Variants in SLC41A3 observed in about 807,000 individuals in gnomAD.
The protein encoded by SLC41A3 is solute carrier family 41 member 3, also known as SLC41A1-like 2.
Under a neutral mutation model 45.4 loss-of-function variants are expected in SLC41A3, and 44 were observed. The ratio of observed to expected loss-of-function variants is 0.97; its 90% CI spans 0.76 to 1.25. The LOEUF is 1.25. Among genes scored for constraint, SLC41A3 ranks in the 50% most tolerant of loss-of-function variants. The pLI is 0.00. For synonymous variants in SLC41A3, 256 were observed against 252.4 expected (o/e 1.01, Z -0.13); for missense variants, 550 against 600.6 (o/e 0.92, Z 0.88).
At chr3:126,067,698 A>G in intron 2 of SLC41A3, 2 of 556,364 alleles carry the variant, frequency 3.6e-6, no homozygotes, top group Non-Finnish European at 3.2e-6. Flanking sequence ...CAGAAGGGAA[A>G]TGATTAAGTA....
chr3:126,016,865 A>G lies in SLC41A3; in HGVS notation c.756T>C (p.Tyr252=), dbSNP rs957177850. ...AGCTGAGGCAGACCAGCGGCGTCAG[A>G]TACCGACTATCTGAAAGGAGAACAG... ...SFFYRHKDSR[Y]LTPLVCLSFA... The change falls in exon 7 of 11, where the codon TAT becomes TAC. Residue 252 remains tyrosine (Y), a synonymous_variant. Coordinates refer to ENST00000360370, the MANE Select transcript of SLC41A3 (RefSeq NM_017836.4). The G allele has an allele frequency of 2.1e-5, 34 of 1,612,448 alleles. No homozygotes were observed. The highest frequency in any genetic ancestry group is 2.9e-5 in the Non-Finnish European group (34 of 1,179,880).
rs965336026 is a variant in SLC41A3, at chr3:126,006,948, A to G, written c.*68T>C. ...CATCCCAAGGACCTGGCAAGGGAGAAACTGAATTCTGTATCCCACTGATGT... is the reference window on the plus strand; with the variant it reads ...CATCCCAAGGACCTGGCAAGGGAGAGACTGAATTCTGTATCCCACTGATGT... On this transcript the variant is annotated 3_prime_UTR_variant, in exon 11 of 11. Coordinates refer to ENST00000360370, the MANE Select transcript of SLC41A3 (RefSeq NM_017836.4). 1 of 1,602,130 alleles carries G rather than the reference A, an allele frequency of 6.2e-7. No individual in the cohort carries two copies. Among genetic ancestry groups the G allele is most frequent in the Non-Finnish European group, 8.5e-7 (1 of 1,172,924 alleles).
Position 126,068,023 on chromosome 3 carries a change from C to T in SLC41A3, c.197G>A (p.Gly66Asp). 1 of 1,613,938 alleles carries T rather than the reference C, an allele frequency of 6.2e-7. No homozygotes were observed. Among genetic ancestry groups the T allele is most frequent in the Non-Finnish European group, 8.5e-7 (1 of 1,179,994 alleles). Reference protein sequence around the residue: ...EPSRETTWSIGLQVTVPFMFA... With the variant: ...EPSRETTWSIDLQVTVPFMFA... ...CATGAAGGGCACGGTCACCTGAAGG[C>T]CTATGGACCAGGTGGTCTCCCTGCT... The change falls in exon 2 of 11, where the codon GGC becomes GAC. Residue 66 changes from glycine (G) to aspartate (D), a missense_variant. Gly to Asp is a moderately conservative substitution (Grantham distance 94). Transcript: ENST00000360370.
rs1398064521 is a variant in SLC41A3 at position 126,032,195 on chromosome 3, A to G, written c.453+1412T>C. On this transcript the variant is annotated intron_variant, in intron 4 of 10. Transcript: ENST00000360370. ...GCGCGGCCAGGCCCACAGTTGGACG[A>G]GAGGAGCCAGTGAAGGAGAGGAGGC... Among the ~76,000 whole-genome samples, 4 of 152,298 alleles carry G rather than the reference A, an allele frequency of 2.6e-5. No homozygotes were observed. The East Asian group carries it at 5.8e-4, about 22-fold the overall frequency.
At chr3:126,097,810 C>A (rs1159525928) in intron 1 of SLC41A3, among the ~76,000 whole-genome samples, 1 of 152,190 alleles carries the variant, frequency 6.6e-6, no homozygotes, top group Non-Finnish European at 1.5e-5. Context: ...AGGAGGCAAC[C>A]AAGCATTGCA....
intron 2 of SLC41A3, among the ~76,000 whole-genome samples, chr3:126,058,388 G>A (rs1376711972): frequency 6.6e-6 from 1 of 152,178 alleles, no homozygotes; most frequent in Non-Finnish European, 1.5e-5. Context: ...CCAGGCTCTG[G>A]TAGGGATGAG....
At chr3:126,047,258 G>C (rs1943026424) in intron 3 of SLC41A3, among the ~76,000 whole-genome samples, 1 of 152,080 alleles carries the variant, frequency 6.6e-6, no homozygotes, top group Admixed American at 6.6e-5. Context: ...AGCTACTCAG[G>C]AGGCTGAGGT....
chr3:126,056,778 T>A (rs1187448962), intron 2 of SLC41A3: 2 of 1,365,408 alleles, frequency 1.5e-6, no homozygotes, highest in Non-Finnish European at 1.9e-6. Context: ...CACGGCCTCA[T>A]TACAGAGACT....
intron 2 of SLC41A3, chr3:126,056,329 C>A (rs763998650): frequency 6.2e-7 from 1 of 1,607,032 alleles, no homozygotes; most frequent in South Asian, 1.1e-5. Context: ...TGTCTCCCAC[C>A]CCTGATCCCC....
intron 8 of SLC41A3, among the ~76,000 whole-genome samples, chr3:126,013,960 CG>C (rs748928859): frequency 2.6e-5 from 4 of 152,154 alleles, no homozygotes; most frequent in Non-Finnish European, 4.4e-5. Flanking sequence ...GCTGAGACTC[CG>C]GGATCCCACA....
intron 2 of SLC41A3, among the ~76,000 whole-genome samples, chr3:126,065,349 T>G (rs1231189319): frequency 6.6e-6 from 1 of 152,230 alleles, no homozygotes; most frequent in Non-Finnish European, 1.5e-5. Flanking sequence ...ATAAAACTGA[T>G]ACAAAAACCA....
chr3:126,056,080 G>A (rs1351406356), intron 2 of SLC41A3, among the ~76,000 whole-genome samples: 1 of 152,220 alleles, frequency 6.6e-6, no homozygotes, highest in African/African-American at 2.4e-5. Context: ...TACACTGGGA[G>A]GAAGGCGGTT....
Position 126,026,569 on chromosome 3 carries a change from G to C in SLC41A3, c.454-90C>G, listed in dbSNP as rs1214458825. The C allele has an allele frequency of 3.4e-6, 5 of 1,486,670 alleles. No homozygotes were observed. In the Admixed American group the frequency reaches 1.0e-4, roughly 31 times the overall value. 92.1% of individuals were successfully genotyped at this position (1,486,670 alleles called of 1,614,324 possible). Reference sequence around the variant, plus strand: ...CACACCTCACTCACCGCAAGGGGCCGGGTGCCACATGCTACTGCCTCCTTT... The same window carrying C: ...CACACCTCACTCACCGCAAGGGGCCCGGTGCCACATGCTACTGCCTCCTTT... On this transcript the variant is annotated intron_variant, in intron 4 of 10. Coordinates refer to ENST00000360370, the MANE Select transcript of SLC41A3 (RefSeq NM_017836.4). This position sits in a 1 kb window ranked among gnomAD's most constrained non-coding sequence, Gnocchi z 4.2.
In SLC41A3 at chr3:126,006,623, G is replaced by A; in HGVS notation, c.*393C>T. 1 of 1,553,828 alleles carries A rather than the reference G, an allele frequency of 6.4e-7. No individual in the cohort carries two copies. The highest frequency in any genetic ancestry group is 8.6e-7 in the Non-Finnish European group (1 of 1,157,334). On this transcript the variant is annotated 3_prime_UTR_variant, in exon 11 of 11. Transcript: ENST00000360370. ...AGTTCTGAGGCTTGGGAACAGAAAA[G>A]AGCTCCTTCCTGCTCCACCCCAATC...
upstream of SLC41A3, chr3:126,084,220 G>A (rs959500972): frequency 3.3e-5 from 5 of 152,006 alleles, no homozygotes; most frequent in Non-Finnish European, 5.9e-5. Context: ...CCGGACCTCG[G>A]ACGACTTGGC....
chr3:126,007,544 CG>C (rs1225977872), intron 10 of SLC41A3, among the ~76,000 whole-genome samples: 1 of 152,160 alleles, frequency 6.6e-6, no homozygotes, highest in African/African-American at 2.4e-5. Flanking sequence ...GGGACTTTGC[CG>C]AGATGTCCAT....
chr3:126,041,299 CA>C (rs1942577379), intron 3 of SLC41A3, among the ~76,000 whole-genome samples: 1 of 151,784 alleles, frequency 6.6e-6, no homozygotes, highest in Non-Finnish European at 1.5e-5. Flanking sequence ...TATAAAAATA[CA>C]AAAAATAATA....
intron 3 of SLC41A3, among the ~76,000 whole-genome samples, chr3:126,038,885 G>A (rs1942389442): frequency 6.6e-6 from 1 of 152,190 alleles, no homozygotes; most frequent in Admixed American, 6.5e-5. Context: ...GGTGGGAGGT[G>A]TTTGGGTCAT....
chr3:126,083,729 A>C (rs1214506572), intron 1 of SLC41A3: 2 of 151,706 alleles, frequency 1.3e-5, no homozygotes, highest in African/African-American at 4.8e-5. Context: ...CGGTGTGGGG[A>C]GCGGCCTCAG....
Sources: allele counts gnomAD v4.1 joint callset (sites outside exome capture counted in the v4.1 genomes callset), GRCh38; gene constraint gnomAD v4.1.1; non-coding constraint Gnocchi (gnomAD v3.1); transcripts MANE v1.5; gene names NCBI Gene and HGNC (gene_info 2026-07-23, HGNC 2026-07-21).